The following EFL1 variants were observed in gnomAD, a reference collection of about 807,000 sequenced individuals.
EFL1 encodes elongation factor like GTPase 1, also known as elongation factor-like GTPase 1.
In EFL1, 76 loss-of-function variants were observed where a neutral mutation model predicts 126.7. That is an observed-to-expected ratio of 0.60 (90% CI 0.50 to 0.73). The LOEUF (loss-of-function observed/expected upper bound fraction) is 0.73, where lower values mean the gene tolerates loss of function less well. Among genes scored for constraint, EFL1 ranks in the 30% least tolerant of loss-of-function variants. EFL1 has a pLI of 0.00. For synonymous variants in EFL1, 410 were observed against 448.4 expected (o/e 0.91, Z 1.08); for missense variants, 1,128 against 1,343.2 (o/e 0.84, Z 2.50).
intron 3 of EFL1, among the ~76,000 whole-genome samples, chr15:82,255,270 T>A (rs1402319679): frequency 6.6e-6 from 1 of 152,228 alleles, no homozygotes; most frequent in Non-Finnish European, 1.5e-5. Context: ...AGTATCCTTT[T>A]GTAAGTTTTT....
At chr15:82,161,513 T>C (rs2074023945) in intron 16 of EFL1, among the ~76,000 whole-genome samples, 2 of 151,920 alleles carry the variant, frequency 1.3e-5, no homozygotes, top group Non-Finnish European at 2.9e-5. Flanking sequence ...AGTACAAAAT[T>C]CAGACACTGA....
At chr15:82,240,673 G>A in intron 5 of EFL1, 118 bp from the exon 6 acceptor site, 1 of 1,190,490 alleles carries the variant, frequency 8.4e-7, no homozygotes, top group Non-Finnish European at 1.2e-6. Flanking sequence ...TATTCATTAG[G>A]CATTCACAAA....
At chr15:82,220,895 T>C (rs557652247) in intron 12 of EFL1, among the ~76,000 whole-genome samples, 109 of 152,200 alleles carry the variant, frequency 7.2e-4, no homozygotes, top group African/African-American at 2.4e-3. Context: ...AAAAGGGGAA[T>C]ACTAAGTTGA....
intron 15 of EFL1, among the ~76,000 whole-genome samples, chr15:82,171,342 C>T (rs183153035): frequency 6.6e-6 from 1 of 152,176 alleles, no homozygotes; most frequent in African/African-American, 2.4e-5. Flanking sequence ...AATAAATAGG[C>T]AGTGTAGTGA....
chr15:82,189,791 C>T (rs2141269568), intron 15 of EFL1, among the ~76,000 whole-genome samples: 1 of 152,226 alleles, frequency 6.6e-6, no homozygotes, highest in South Asian at 2.1e-4. Context: ...TTATCTGTAT[C>T]TATTTTTCAT....
At chr15:82,203,307 A>G (rs2074490102) in intron 15 of EFL1, among the ~76,000 whole-genome samples, 1 of 152,060 alleles carries the variant, frequency 6.6e-6, no homozygotes, top group South Asian at 2.1e-4. Flanking sequence ...TTCTCTGTGC[A>G]TTTATTTATT....
At chr15:82,258,024 C>T (rs921902834) in intron 3 of EFL1, among the ~76,000 whole-genome samples, 2 of 152,184 alleles carry the variant, frequency 1.3e-5, no homozygotes, top group East Asian at 1.9e-4. Flanking sequence ...AGCTTCCCTC[C>T]CAACCCACAC....
intron 16 of EFL1, among the ~76,000 whole-genome samples, chr15:82,160,735 C>G (rs1186964854): frequency 6.6e-6 from 1 of 152,176 alleles, no homozygotes. Flanking sequence ...TGGATTCCCA[C>G]AAGTGAAGAT....
chr15:82,164,068 A>G, intron 15 of EFL1, 84 bp from the exon 16 acceptor site: 1 of 1,543,016 alleles, frequency 6.5e-7, no homozygotes, highest in Non-Finnish European at 8.8e-7. Flanking sequence ...TCAACCCAGT[A>G]TATGTATCAC....
At chr15:82,226,271 C>G (rs1228494678) in intron 11 of EFL1, among the ~76,000 whole-genome samples, 1 of 152,118 alleles carries the variant, frequency 6.6e-6, no homozygotes, top group African/African-American at 2.4e-5. Context: ...CAGGTTCAAG[C>G]GATCCTCCTG....
chr15:82,154,245 GGCTCAGGCTACATCATGGCAA>G (rs948503706), intron 17 of EFL1, among the ~76,000 whole-genome samples: 7 of 152,144 alleles, frequency 4.6e-5, no homozygotes, highest in Non-Finnish European at 5.9e-5. Flanking sequence ...AAGTGCGGTA[GGCTCAGGCTACATCATGGCAA>G]TTTCCTGTGG....
chr15:82,236,397 A>G (rs2074873103), intron 7 of EFL1, among the ~76,000 whole-genome samples: 2 of 152,234 alleles, frequency 1.3e-5, no homozygotes, highest in African/African-American at 4.8e-5. Flanking sequence ...GGACAGAAAT[A>G]ATCTACCTGA....
At chr15:82,159,513 A>G (rs1394859481) in intron 16 of EFL1, among the ~76,000 whole-genome samples, 1 of 151,994 alleles carries the variant, frequency 6.6e-6, no homozygotes, top group Non-Finnish European at 1.5e-5. Context: ...ACATGGAGAC[A>G]ACATTTTGAA....
intron 10 of EFL1, 126 bp from the exon 11 acceptor site, chr15:82,227,698 G>A (rs771994424): frequency 9.4e-5 from 121 of 1,289,654 alleles, no homozygotes; most frequent in Non-Finnish European, 1.2e-4. Context: ...GTGCTACAAG[G>A]CAACACTGCT....
At chr15:82,213,928 G>A (rs529150459) in intron 15 of EFL1, among the ~76,000 whole-genome samples, 21 of 152,186 alleles carry the variant, frequency 1.4e-4, no homozygotes, top group Non-Finnish European at 2.6e-4. Flanking sequence ...AAATTTTTGG[G>A]ATTCAAGTTT....
chr15:82,209,294 T>A (rs1055770339), intron 15 of EFL1, among the ~76,000 whole-genome samples: 1 of 144,072 alleles, frequency 6.9e-6, no homozygotes, highest in African/African-American at 2.7e-5. Context: ...CCCACATGAC[T>A]AAGGATTCAC....
intron 3 of EFL1, among the ~76,000 whole-genome samples, chr15:82,257,400 ATATT>A (rs2075075717): frequency 6.6e-6 from 1 of 152,134 alleles, no homozygotes; most frequent in Non-Finnish European, 1.5e-5. Context: ...TCATTCAAAA[ATATT>A]TATTTATATA....
chr15:82,163,650 C>T, intron 16 of EFL1, among the ~76,000 whole-genome samples: 1 of 152,160 alleles, frequency 6.6e-6, no homozygotes, highest in Non-Finnish European at 1.5e-5. Flanking sequence ...GATGCAGTCT[C>T]CCTGGACAGC....
At chr15:82,250,200 T>C (rs2075009001) in intron 4 of EFL1, among the ~76,000 whole-genome samples, 1 of 136,322 alleles carries the variant, frequency 7.3e-6, no homozygotes, top group East Asian at 2.1e-4. Context: ...GATAAAAACA[T>C]ATCTCATCTC....
Sources: gnomAD v4.1 joint callset for allele counts (sites outside exome capture counted in the v4.1 genomes callset) on GRCh38, gnomAD v4.1.1 for gene constraint, MANE v1.5 for transcripts, NCBI Gene and HGNC (gene_info 2026-07-23, HGNC 2026-07-21) for gene names.